The following TET2 variants were observed in gnomAD, a reference collection of about 807,000 sequenced individuals.
TET2 encodes methylcytosine dioxygenase TET2.
A neutral mutation model predicts 142.9 loss-of-function variants in TET2; 299 were observed. That is an observed-to-expected ratio of 2.09 (90% CI 1.90 to 2.30). The LOEUF (loss-of-function observed/expected upper bound fraction) is 2.30. Among genes scored for constraint, TET2 ranks in the 30% most tolerant of loss-of-function variants. The probability of loss-of-function intolerance (pLI) is 0.00; values close to 1 mark genes in which losing one functional copy is unlikely to be tolerated. For missense variants in TET2, 2,418 were observed against 2,378.0 expected (o/e 1.02, Z -0.35); for synonymous variants, 819 against 849.0 (o/e 0.96, Z 0.61).
At chr4:105,240,388 T>C (rs1729227876) in intron 3 of TET2, 3 of 1,071,064 alleles carry the variant, frequency 2.8e-6, no homozygotes, top group Middle Eastern at 8.5e-4. Flanking sequence ...TAGTGAAATA[T>C]TTTTGCTGAT....
At chr4:105,201,787 A>G (rs1035775413) in intron 2 of TET2, among the ~76,000 whole-genome samples, 4 of 122,852 alleles carry the variant, frequency 3.3e-5, no homozygotes, top group South Asian at 2.7e-4. Flanking sequence ...TGTTGCCCAG[A>G]CTGCGGTGCA....
intron 2 of TET2, among the ~76,000 whole-genome samples, chr4:105,209,585 A>G (rs888449652): frequency 6.6e-6 from 1 of 152,204 alleles, no homozygotes; most frequent in African/African-American, 2.4e-5. Flanking sequence ...CAATGGGAAC[A>G]AAACAGAAAT....
intron 1 of TET2, among the ~76,000 whole-genome samples, chr4:105,179,727 G>C (rs905915630): frequency 6.6e-6 from 1 of 152,142 alleles, no homozygotes; most frequent in Non-Finnish European, 1.5e-5. Context: ...TAGGTGACCT[G>C]TGTACCCTGA....
intron 6 of TET2, among the ~76,000 whole-genome samples, chr4:105,257,750 T>G (rs1730212590): frequency 6.6e-6 from 1 of 152,144 alleles, no homozygotes; most frequent in Admixed American, 6.6e-5. Flanking sequence ...CTTTTAAGCT[T>G]TTTTAGTTAT....
At chr4:105,174,938 T>C (rs1434577823) in intron 1 of TET2, among the ~76,000 whole-genome samples, 1 of 152,180 alleles carries the variant, frequency 6.6e-6, no homozygotes, top group African/African-American at 2.4e-5. Context: ...GCTTTCCACA[T>C]AGGGAAAGGA....
rs115417735 is a variant in TET2 at position 105,241,765 on chromosome 4, A to G, written c.3500+336A>G. 0.015 allele frequency: 19,045 copies of G among 1,252,922 alleles called. 170 individuals are homozygous for G. Among genetic ancestry groups the G allele is most frequent in the Non-Finnish European group, 0.018 (17,847 of 991,536 alleles). 77.6% of individuals were successfully genotyped at this position (1,252,922 alleles called of 1,614,324 possible). ...GGTCCCACTCTGGCTTTCCCACCTG[A>G]TAATAAAGTGTCAAAGCAGAAAGAC... On this transcript the variant is annotated intron_variant, in intron 4 of 10. Transcript: ENST00000380013.
chr4:105,209,098 T>TATATA (rs1727009719), intron 2 of TET2, among the ~76,000 whole-genome samples: 1 of 127,484 alleles, frequency 7.8e-6, no homozygotes, highest in Non-Finnish European at 1.7e-5. Flanking sequence ...TATATATATA[T>TATATA]GTTTGAGCGA....
intron 8 of TET2, among the ~76,000 whole-genome samples, chr4:105,267,962 A>G (rs948936566): frequency 6.6e-6 from 1 of 152,268 alleles, no homozygotes; most frequent in East Asian, 1.9e-4. Flanking sequence ...ATGGAAAGCC[A>G]AAAGCTAATG....
Position 105,234,851 on chromosome 4 carries a change from T to TG in TET2, c.910dup (p.Ala304GlyfsTer3). ...CCTGTGATGCTGATGATGCTGATAATGCCAGTAAACTAGCTGCAATGCTAA... is the reference window on the plus strand; with the variant it reads ...CCTGTGATGCTGATGATGCTGATAATGGCCAGTAAACTAGCTGCAATGCTAA... On this transcript the variant is annotated frameshift_variant, in exon 3 of 11. Transcript: ENST00000380013. LOFTEE classifies it high-confidence loss of function. 6.2e-7 allele frequency: 1 copy of TG among 1,614,090 alleles called. No homozygotes were observed. Among genetic ancestry groups the TG allele is most frequent in the Non-Finnish European group, 8.5e-7 (1 of 1,180,014 alleles).
intron 1 of TET2, among the ~76,000 whole-genome samples, chr4:105,182,643 T>C (rs982683669): frequency 6.6e-6 from 1 of 152,268 alleles, no homozygotes; most frequent in African/African-American, 2.4e-5. Context: ...TTTGCCTTTC[T>C]ATTAGAAATA....
At chr4:105,248,717 C>T (rs911308557) in intron 6 of TET2, among the ~76,000 whole-genome samples, 1 of 152,152 alleles carries the variant, frequency 6.6e-6, no homozygotes, top group Non-Finnish European at 1.5e-5. Context: ...TCAGTACATT[C>T]ACAAAGCTAT....
rs780043982 is a variant in TET2, at chr4:105,237,030, C to T, written c.3088C>T (p.Gln1030Ter). ...AAAGAGCATCATTGAGACCATGGAG[C>T]AGCATCTGAAGCAGTTTCACGCCAA... ...QQKSIIETME[Q>*]HLKQFHAKSL... Residue 1030 changes from glutamine (Q) to a stop codon, truncating the protein, a stop_gained, in exon 3 of 11, where the codon CAG (glutamine) becomes TAG (stop). Coordinates refer to ENST00000380013, the MANE Select transcript of TET2 (RefSeq NM_001127208.3). LOFTEE classifies it high-confidence loss of function. The T allele has an allele frequency of 5.6e-6, 9 of 1,614,034 alleles. No homozygotes were observed. The highest frequency in any genetic ancestry group is 1.3e-5 in the African/African-American group (1 of 74,920).
intron 2 of TET2, among the ~76,000 whole-genome samples, chr4:105,201,838 C>T (rs1366293238): frequency 6.9e-6 from 1 of 145,474 alleles, no homozygotes; most frequent in Non-Finnish European, 1.5e-5. Context: ...ACTTCCCAGG[C>T]TCAGGTGATC....
Position 105,272,562 on chromosome 4 carries a change from AG to A in TET2, c.4183del. 6.7e-7 allele frequency: 1 copy of A among 1,501,510 alleles called. No homozygotes were observed. The highest frequency in any genetic ancestry group is 8.9e-7 in the Non-Finnish European group (1 of 1,124,464). 93.0% of individuals were successfully genotyped at this position (1,501,510 alleles called of 1,614,324 possible). On this transcript the variant is annotated splice_acceptor_variant, in intron 9 of 10. Transcript: ENST00000380013. LOFTEE classifies it high-confidence loss of function. ...GGCTGTAATGTCTTACTTCCCTACC[AG>A]GTATGCACTCTCACTAGAGAAGACA...
intron 4 of TET2, chr4:105,241,889 G>A: frequency 8.0e-7 from 1 of 1,245,496 alleles, no homozygotes. Flanking sequence ...TAAAAAGAGA[G>A]CAAGTGTGAT....
At chr4:105,221,560 C>T (rs1323541975) in intron 2 of TET2, among the ~76,000 whole-genome samples, 2 of 152,106 alleles carry the variant, frequency 1.3e-5, no homozygotes, top group Non-Finnish European at 2.9e-5. Flanking sequence ...ACAAAACCTC[C>T]TATGCACATG....
chr4:105,274,996 AATC>A lies in TET2; in HGVS notation c.4538-47_4538-45del, dbSNP rs1731127548. Reference sequence around the variant, plus strand: ...GTATCCTCACTAGCCTTCATAAAATAATCATCAACATCAAAGATACCTGTTTCT... The same window carrying A: ...GTATCCTCACTAGCCTTCATAAAATAATCAACATCAAAGATACCTGTTTCT... On this transcript the variant is annotated intron_variant, in intron 10 of 10. Transcript: ENST00000380013. The A allele has an allele frequency of 6.9e-6, 10 of 1,459,644 alleles. No individual in the cohort carries two copies. The East Asian group carries it at 2.2e-4, about 33-fold the overall frequency. 90.4% of individuals were successfully genotyped at this position (1,459,644 alleles called of 1,614,324 possible).
At chr4:105,249,280 C>T (rs1729744640) in intron 6 of TET2, among the ~76,000 whole-genome samples, 1 of 152,166 alleles carries the variant, frequency 6.6e-6, no homozygotes, top group Non-Finnish European at 1.5e-5. Context: ...CTACCTTAGC[C>T]TCCTAAAGTG....
At chr4:105,186,213 G>C (rs573225250) in intron 1 of TET2, among the ~76,000 whole-genome samples, 13 of 152,262 alleles carry the variant, frequency 8.5e-5, no homozygotes, top group Admixed American at 7.2e-4. Flanking sequence ...CTGGGTGACA[G>C]AGCAAGACCC....
Sources: gnomAD v4.1 joint callset for allele counts (sites outside exome capture counted in the v4.1 genomes callset) on GRCh38, gnomAD v4.1.1 for gene constraint, MANE v1.5 for transcripts, NCBI Gene and HGNC (gene_info 2026-07-23, HGNC 2026-07-21) for gene names.